Variants in XPR1 observed in about 807,000 individuals in gnomAD.
The protein encoded by XPR1 is solute carrier family 53 member 1.
A neutral mutation model predicts 87.5 loss-of-function variants in XPR1; 28 were observed. The ratio of observed to expected loss-of-function variants is 0.32; its 90% CI spans 0.24 to 0.44. The LOEUF (loss-of-function observed/expected upper bound fraction) is 0.44, where lower values mean the gene tolerates loss of function less well. XPR1 is among the 20% of genes least tolerant of loss of function. XPR1 has a pLI of 1.00. For synonymous variants in XPR1, 300 were observed against 306.1 expected (o/e 0.98, Z 0.21); for missense variants, 559 against 862.3 (o/e 0.65, Z 4.41).
chr1:180,804,544 GT>G (rs1649922069), intron 4 of XPR1, among the ~76,000 whole-genome samples: 1 of 151,976 alleles, frequency 6.6e-6, no homozygotes, highest in Non-Finnish European at 1.5e-5. Flanking sequence ...CTTATAATGA[GT>G]GGTTAGGATC....
chr1:180,666,907 C>T (rs559753341), intron 1 of XPR1, among the ~76,000 whole-genome samples: 2 of 151,872 alleles, frequency 1.3e-5, no homozygotes, highest in East Asian at 3.9e-4. Context: ...TTAGAGGAAA[C>T]CATTTTCAGT....
In XPR1 at chr1:180,730,769, C is replaced by T. The variant is rs12095957; in HGVS notation, c.121+48358C>T. On this transcript the variant is annotated intron_variant, in intron 2 of 14. Coordinates refer to ENST00000367590, the MANE Select transcript of XPR1 (RefSeq NM_004736.4). ...GCCTTGACATCCATGCTCAAGTGAT[C>T]CTCCCCCCTCAGCCTCCTGCATAGC... Among the ~76,000 whole-genome samples the T allele has an allele frequency of 5.3e-5, 8 of 152,158 alleles. No homozygotes were observed. The East Asian group carries it at 1.5e-3, about 29-fold the overall frequency.
Position 180,632,085 on chromosome 1 carries a change from GGA to G in XPR1, c.-112_-111del. ...AAGAGACCTCGGCGGCGGCGGAGGA[GGA>G]GAGAAGCGCAGCGCCGCGCCGCGCC... On this transcript the variant is annotated 5_prime_UTR_variant, in exon 1 of 15. Transcript: ENST00000367590. 1 of 1,262,700 alleles carries G rather than the reference GGA, an allele frequency of 7.9e-7. No homozygotes were observed. The highest frequency in any genetic ancestry group is 2.4e-4 in the Middle Eastern group (1 of 4,100). The allele number at this position is 1,262,700 out of a possible 1,614,324, so 78.2% of individuals were successfully genotyped here. A position where few individuals can be genotyped will look rare whatever the true frequency, so the allele number is the denominator to read the frequency against.
chr1:180,801,324 A>G (rs1175128720), intron 3 of XPR1, among the ~76,000 whole-genome samples: 2 of 152,180 alleles, frequency 1.3e-5, no homozygotes, highest in Non-Finnish European at 2.9e-5. Flanking sequence ...GGGCCCCCTC[A>G]GGGGGATGTG....
intron 1 of XPR1, among the ~76,000 whole-genome samples, chr1:180,653,599 C>A (rs1655360833): frequency 1.3e-5 from 2 of 151,926 alleles, no homozygotes; most frequent in South Asian, 4.2e-4. Context: ...ATACTGAACT[C>A]CATATTAATG....
intron 1 of XPR1, among the ~76,000 whole-genome samples, chr1:180,653,938 G>T (rs531513486): frequency 1.3e-5 from 2 of 152,240 alleles, no homozygotes; most frequent in South Asian, 4.1e-4. Flanking sequence ...TTTTCCACTT[G>T]TATTTTTGGA....
intron 3 of XPR1, among the ~76,000 whole-genome samples, chr1:180,789,119 A>G (rs1170063168): frequency 6.6e-6 from 1 of 152,176 alleles, no homozygotes; most frequent in Non-Finnish European, 1.5e-5. Context: ...CTTAGCTATC[A>G]TTGTTCTTCC....
chr1:180,865,512 T>G (rs1571904969), intron 12 of XPR1, among the ~76,000 whole-genome samples: 1 of 151,904 alleles, frequency 6.6e-6, no homozygotes, highest in East Asian at 1.9e-4. Context: ...ACCATTCTCC[T>G]ACCTCAGCCT....
chr1:180,762,498 A>G (rs1401151620), intron 2 of XPR1, among the ~76,000 whole-genome samples: 1 of 152,204 alleles, frequency 6.6e-6, no homozygotes, highest in East Asian at 1.9e-4. Context: ...ATGCCATTTA[A>G]TGGTATGCTG....
At position 180,632,097 on chromosome 1, in the gene XPR1, A is replaced by AGCGCC. The variant is rs902772481; in HGVS notation, c.-93_-89dup. On this transcript the variant is annotated 5_prime_UTR_variant, in exon 1 of 15. Transcript: ENST00000367590. ...CGGCGGCGGAGGAGGAGAGAAGCGC[A>AGCGCC]GCGCCGCGCCGCGCCGGGGCCCATG... 1.7e-4 allele frequency: 231 copies of AGCGCC among 1,380,926 alleles called. No individual in the cohort carries two copies. The highest frequency in any genetic ancestry group is 1.2e-3 in the East Asian group (50 of 40,114). 85.5% of individuals were successfully genotyped at this position (1,380,926 alleles called of 1,614,324 possible).
At chr1:180,657,914 A>G (rs961327912) in intron 1 of XPR1, among the ~76,000 whole-genome samples, 2 of 152,318 alleles carry the variant, frequency 1.3e-5, no homozygotes, top group South Asian at 2.1e-4. Flanking sequence ...CTTCCAATCC[A>G]TGAACATGGA....
At chr1:180,672,913 A>G (rs1329279149) in intron 1 of XPR1, among the ~76,000 whole-genome samples, 1 of 152,202 alleles carries the variant, frequency 6.6e-6, no homozygotes, top group Non-Finnish European at 1.5e-5. Flanking sequence ...TTTAAGGTTT[A>G]TGAGCACAAA....
At chr1:180,753,177 C>CAAGTTCCTAGCA (rs1298638057) in intron 2 of XPR1, among the ~76,000 whole-genome samples, 2 of 152,136 alleles carry the variant, frequency 1.3e-5, no homozygotes, top group African/African-American at 4.8e-5. Context: ...TTGTTGTATG[C>CAAGTTCCTAGCA]AAGTTCCTAG....
intron 11 of XPR1, among the ~76,000 whole-genome samples, chr1:180,839,447 C>T (rs1368660714): frequency 6.6e-6 from 1 of 152,040 alleles, no homozygotes; most frequent in African/African-American, 2.4e-5. Context: ...ACACATTTAC[C>T]AGTGCAATAT....
chr1:180,671,550 A>G (rs371047914), intron 1 of XPR1, among the ~76,000 whole-genome samples: 1 of 152,182 alleles, frequency 6.6e-6, no homozygotes, highest in Admixed American at 6.5e-5. Context: ...TTTGAGACGG[A>G]GTCTCGTCCT....
At chr1:180,755,336 G>C (rs1455604926) in intron 2 of XPR1, among the ~76,000 whole-genome samples, 1 of 152,178 alleles carries the variant, frequency 6.6e-6, no homozygotes, top group Non-Finnish European at 1.5e-5. Context: ...TAAGAAGCAG[G>C]TGAAATACAA....
chr1:180,796,751 C>T (rs1011017038), intron 3 of XPR1, among the ~76,000 whole-genome samples: 2 of 152,092 alleles, frequency 1.3e-5, no homozygotes, highest in African/African-American at 2.4e-5. Flanking sequence ...AAAATATAAT[C>T]GCTTCTCGGC....
intron 2 of XPR1, among the ~76,000 whole-genome samples, chr1:180,703,349 A>G (rs970485970): frequency 3.9e-5 from 6 of 152,032 alleles, no homozygotes; most frequent in Non-Finnish European, 8.8e-5. Context: ...GACATCATAT[A>G]TGTATGTCAG....
rs1026757173 is a variant in XPR1, at chr1:180,684,005, G to A, written c.121+1594G>A. On this transcript the variant is annotated intron_variant, in intron 2 of 14. Coordinates refer to ENST00000367590, the MANE Select transcript of XPR1 (RefSeq NM_004736.4). ...GTCAATTTTGGCTTTTGTTGCCATT[G>A]CTTTTGGTGTTTTAGACATGAAGTC... Among the ~76,000 whole-genome samples, 503 of 152,200 alleles carry A rather than the reference G, an allele frequency of 3.3e-3. 2 individuals are homozygous for A. Among genetic ancestry groups the A allele is most frequent in the Non-Finnish European group, 6.4e-3 (433 of 68,010 alleles).
Sources: allele counts gnomAD v4.1 joint callset (sites outside exome capture counted in the v4.1 genomes callset), GRCh38; gene constraint gnomAD v4.1.1; transcripts MANE v1.5; gene names NCBI Gene and HGNC (gene_info 2026-07-23, HGNC 2026-07-21).